Variants in SORCS2 observed in about 807,000 individuals in gnomAD.
The protein encoded by SORCS2 is sortilin related VPS10 domain containing receptor 2.
A neutral mutation model predicts 141.6 loss-of-function variants in SORCS2; 100 were observed. The observed-to-expected ratio is 0.71, with a 90% CI of 0.60 to 0.83. The LOEUF (loss-of-function observed/expected upper bound fraction) is 0.83. Among genes scored for constraint, SORCS2 ranks in the 40% least tolerant of loss-of-function variants. SORCS2 has a pLI of 0.00. For missense variants in SORCS2, 1,646 were observed against 1,560.2 expected (o/e 1.05, Z -0.93); for synonymous variants, 789 against 676.9 (o/e 1.17, Z -2.57).
At position 7,649,416 on chromosome 4, in the gene SORCS2, A is replaced by T. The variant is rs1721295882; in HGVS notation, c.814-4718A>T. Among the ~76,000 whole-genome samples the T allele has an allele frequency of 3.9e-5, 6 of 152,044 alleles. No individual in the cohort carries two copies. In the South Asian group the frequency reaches 1.3e-3, roughly 32 times the overall value. On this transcript the variant is annotated intron_variant, in intron 4 of 26. Coordinates refer to ENST00000507866, the MANE Select transcript of SORCS2 (RefSeq NM_020777.3). ...TTTTGGAGGCCACACCTCTCCTGGA[A>T]GGTCTGCGTGGAGAGTGGCAGGACC...
intron 8 of SORCS2, among the ~76,000 whole-genome samples, chr4:7,673,814 G>A (rs1173572212): frequency 1.3e-5 from 2 of 152,096 alleles, no homozygotes; most frequent in East Asian, 1.9e-4. Flanking sequence ...TTGACGCCAA[G>A]CCCCCGAGCT....
intron 1 of SORCS2, among the ~76,000 whole-genome samples, chr4:7,271,556 C>T (rs1715131134): frequency 6.6e-6 from 1 of 152,224 alleles, no homozygotes; most frequent in Admixed American, 6.5e-5. Context: ...AGCCCTTTCT[C>T]ACGTTTCTTT....
chr4:7,500,569 GAAA>G (rs1731902095), intron 2 of SORCS2, among the ~76,000 whole-genome samples: 1 of 130,434 alleles, frequency 7.7e-6, no homozygotes, highest in African/African-American at 4.0e-5. Flanking sequence ...GCCGGCTGGA[GAAA>G]TAACCACAGA....
At chr4:7,677,262 C>A (rs1054880256) in intron 9 of SORCS2, among the ~76,000 whole-genome samples, 1 of 152,216 alleles carries the variant, frequency 6.6e-6, no homozygotes, top group Non-Finnish European at 1.5e-5. Context: ...CCCCGTGCAT[C>A]GCACCAATGT....
At chr4:7,224,617 G>GT (rs1728893667) in intron 1 of SORCS2, among the ~76,000 whole-genome samples, 1 of 152,226 alleles carries the variant, frequency 6.6e-6, no homozygotes, top group Non-Finnish European at 1.5e-5. Context: ...GCAAAGGAGG[G>GT]TGGCACTAAA....
At chr4:7,263,319 G>A (rs575041553) in intron 1 of SORCS2, among the ~76,000 whole-genome samples, 24 of 152,264 alleles carry the variant, frequency 1.6e-4, no homozygotes, top group African/African-American at 4.8e-4. Context: ...GAGGAGTCCC[G>A]GTCCCCTCCC....
At chr4:7,356,475 T>C (rs1252098298) in intron 1 of SORCS2, among the ~76,000 whole-genome samples, 2 of 151,944 alleles carry the variant, frequency 1.3e-5, no homozygotes, top group East Asian at 3.9e-4. Context: ...GCTCAGTGTG[T>C]GAGCATGGAG....
intron 2 of SORCS2, among the ~76,000 whole-genome samples, chr4:7,500,358 G>A (rs114750825): frequency 0.034 from 5,108 of 152,242 alleles, 123 homozygotes; most frequent in Middle Eastern, 0.051. Context: ...GTCCCTGGCA[G>A]CGCCAAACCC....
At chr4:7,723,231 A>G (rs1253426280) in intron 18 of SORCS2, among the ~76,000 whole-genome samples, 1 of 152,138 alleles carries the variant, frequency 6.6e-6, no homozygotes, top group Non-Finnish European at 1.5e-5. Flanking sequence ...AGCTTCCCAG[A>G]AAGGAAAATC....
At chr4:7,284,206 G>T (rs1242215801) in intron 1 of SORCS2, among the ~76,000 whole-genome samples, 1 of 152,154 alleles carries the variant, frequency 6.6e-6, no homozygotes, top group East Asian at 1.9e-4. Flanking sequence ...GGGCAGGAGG[G>T]CATCCTACTG....
intron 1 of SORCS2, among the ~76,000 whole-genome samples, chr4:7,366,678 C>G (rs1001262002): frequency 1.3e-5 from 2 of 152,050 alleles, no homozygotes; most frequent in Non-Finnish European, 2.9e-5. Context: ...TTCTGGGAGA[C>G]CTTCCATGTC....
chr4:7,728,266 G>T (rs1404562603), intron 21 of SORCS2, 84 bp from the exon 22 acceptor site: 19 of 946,068 alleles, frequency 2.0e-5, no homozygotes, highest in Non-Finnish European at 2.8e-5. Context: ...TCCAGGGCAT[G>T]TGGCTGCCCC....
chr4:7,556,620 G>A (rs755322760), intron 3 of SORCS2, among the ~76,000 whole-genome samples: 9 of 152,046 alleles, frequency 5.9e-5, no homozygotes, highest in Non-Finnish European at 1.0e-4. Flanking sequence ...CATGTAACTA[G>A]GATCTAGATT....
chr4:7,718,031 A>G lies in SORCS2; in HGVS notation c.2272A>G (p.Asn758Asp). The G allele has an allele frequency of 6.2e-7, 1 of 1,606,414 alleles. No individual in the cohort carries two copies. Among genetic ancestry groups the G allele is most frequent in the Non-Finnish European group, 8.5e-7 (1 of 1,176,386 alleles). The change falls in exon 18 of 27, where the codon AAC (asparagine) becomes GAC (aspartate). Residue 758 changes from asparagine (N) to aspartate (D), a missense_variant. Coordinates refer to ENST00000507866, the MANE Select transcript of SORCS2 (RefSeq NM_020777.3). ...SSLGYRKVVS[N>D]VCEGGVDMQQ... is the part of the protein sequence containing the mutation. ...ATCCAGGTACCGGAAAGTGGTGTCC[A>G]ACGTGTGTGAGGGTGGGGTGGACAT...
Position 7,671,702 on chromosome 4 carries a change from A to T in SORCS2, c.1162-4348A>T, listed in dbSNP as rs769015862. On this transcript the variant is annotated intron_variant, in intron 8 of 26. Coordinates refer to ENST00000507866, the MANE Select transcript of SORCS2 (RefSeq NM_020777.3). Reference sequence around the variant, plus strand: ...TAAGGATTGAAAGTGAACGCAGTCTATGGGAGCTTTTGGACATCATCAAGC... The same window carrying T: ...TAAGGATTGAAAGTGAACGCAGTCTTTGGGAGCTTTTGGACATCATCAAGC... 3.3e-5 allele frequency among the ~76,000 whole-genome samples: 5 copies of T among 152,334 alleles called. No individual in the cohort carries two copies. In the East Asian group the frequency reaches 7.7e-4, roughly 23 times the overall value.
intron 12 of SORCS2, among the ~76,000 whole-genome samples, chr4:7,699,843 C>T (rs75620434): frequency 0.01 from 1,574 of 152,326 alleles, 31 homozygotes; most frequent in African/African-American, 0.035. Context: ...TCACTCCTTC[C>T]TGGAGGGGAG....
At position 7,303,641 on chromosome 4, in the gene SORCS2, G is replaced by A. The variant is rs554331782; in HGVS notation, c.481-92647G>A. ...ACCATTCTGGGAGCTGAGGTATATG[G>A]TGCTGAGTGTCAGGGTATCTGTTGA... On this transcript the variant is annotated intron_variant, in intron 1 of 26. Coordinates refer to ENST00000507866, the MANE Select transcript of SORCS2 (RefSeq NM_020777.3). Among the ~76,000 whole-genome samples, 4 of 152,358 alleles carry A rather than the reference G, an allele frequency of 2.6e-5. No homozygotes were observed. The South Asian group carries it at 6.2e-4, about 24-fold the overall frequency.
intron 3 of SORCS2, among the ~76,000 whole-genome samples, chr4:7,602,708 CA>C (rs1183351621): frequency 6.6e-6 from 1 of 151,170 alleles, no homozygotes; most frequent in East Asian, 2.0e-4. Flanking sequence ...CCTCACATCC[CA>C]GACGATGGGC....
At chr4:7,371,000 G>C (rs556661479) in intron 1 of SORCS2, among the ~76,000 whole-genome samples, 1 of 152,320 alleles carries the variant, frequency 6.6e-6, no homozygotes, top group African/African-American at 2.4e-5. Flanking sequence ...GGGCCCCACA[G>C]CACGGGGTAC....
Sources: gnomAD v4.1 joint callset for allele counts (sites outside exome capture counted in the v4.1 genomes callset) on GRCh38, gnomAD v4.1.1 for gene constraint, MANE v1.5 for transcripts, NCBI Gene and HGNC (gene_info 2026-07-23, HGNC 2026-07-21) for gene names.